Variants in MCTP1 observed in about 807,000 individuals in gnomAD.
The protein encoded by MCTP1 is multiple C2 and transmembrane domain containing 1, also known as multiple C2 and transmembrane domain-containing protein 1.
Under a neutral mutation model 120.6 loss-of-function variants are expected in MCTP1, and 69 were observed. That is an observed-to-expected ratio of 0.57 (90% CI 0.47 to 0.70). The LOEUF is 0.70. MCTP1 is among the 30% of genes least tolerant of loss of function. The pLI is 0.00. For synonymous variants in MCTP1, 529 were observed against 493.1 expected, an observed-to-expected ratio of 1.07 and a Z score of -0.96; for missense variants, 1,203 against 1,248.8, an observed-to-expected ratio of 0.96 and a Z score of 0.55.
intron 1 of MCTP1, among the ~76,000 whole-genome samples, chr5:95,206,492 T>C (rs1751632774): frequency 6.6e-6 from 1 of 152,206 alleles, no homozygotes; most frequent in African/African-American, 2.4e-5. Flanking sequence ...AGACTGAGAA[T>C]CATGACATTT....
intron 3 of MCTP1, among the ~76,000 whole-genome samples, chr5:94,946,138 C>T (rs1160759845): frequency 6.6e-6 from 1 of 152,128 alleles, no homozygotes; most frequent in Non-Finnish European, 1.5e-5. Flanking sequence ...ATGATACAGC[C>T]TAATCCCATT....
At chr5:94,837,761 GC>G (rs1561722286) in intron 17 of MCTP1, among the ~76,000 whole-genome samples, 1 of 152,148 alleles carries the variant, frequency 6.6e-6, no homozygotes, top group African/African-American at 2.4e-5. Context: ...AGACGGGGGC[GC>G]TGGTTAATTG....
intron 19 of MCTP1, among the ~76,000 whole-genome samples, chr5:94,720,904 C>CA (rs1338325185): frequency 1.3e-5 from 2 of 152,144 alleles, no homozygotes; most frequent in Non-Finnish European, 2.9e-5. Flanking sequence ...ATCCAATACT[C>CA]ACAACCATCC....
intron 9 of MCTP1, among the ~76,000 whole-genome samples, chr5:94,910,833 A>G (rs1808362035): frequency 6.6e-6 from 1 of 152,188 alleles, no homozygotes; most frequent in African/African-American, 2.4e-5. Flanking sequence ...TATAAGCCCC[A>G]TGGCAGAAAA....
intron 2 of MCTP1, among the ~76,000 whole-genome samples, chr5:95,013,440 T>C (rs1348879029): frequency 6.6e-6 from 1 of 152,140 alleles, no homozygotes; most frequent in Admixed American, 6.6e-5. Context: ...GAGAAGTCAA[T>C]GCGTGGCTTC....
Position 95,098,049 on chromosome 5 carries a change from T to G in MCTP1, c.721-80565A>C, listed in dbSNP as rs76958138. Reference sequence around the variant, plus strand: ...TTTCTCTATTCAACTCAATGATTTCTGATCTTTCAACGTGTTTTTGTTTAC... The same window carrying G: ...TTTCTCTATTCAACTCAATGATTTCGGATCTTTCAACGTGTTTTTGTTTAC... On this transcript the variant is annotated intron_variant, in intron 1 of 22. Transcript: ENST00000515393. Among the ~76,000 whole-genome samples, 1,007 of 152,348 alleles carry G rather than the reference T, an allele frequency of 6.6e-3. 16 individuals carry two copies. Among genetic ancestry groups the G allele is most frequent in the African/African-American group, 0.023 (953 of 41,584 alleles).
chr5:95,220,518 A>G (rs1345946597), intron 1 of MCTP1, among the ~76,000 whole-genome samples: 4 of 152,132 alleles, frequency 2.6e-5, no homozygotes, highest in African/African-American at 9.7e-5. Flanking sequence ...CTTTTAGCCA[A>G]TTCACAATAA....
At chr5:95,235,339 A>C (rs888717216) in intron 1 of MCTP1, among the ~76,000 whole-genome samples, 3 of 151,900 alleles carry the variant, frequency 2.0e-5, no homozygotes, top group Admixed American at 6.6e-5. Flanking sequence ...GACATTATAA[A>C]AACCAGCAGC....
intron 1 of MCTP1, among the ~76,000 whole-genome samples, chr5:95,158,192 T>A (rs1745334024): frequency 6.6e-6 from 1 of 152,250 alleles, no homozygotes; most frequent in Non-Finnish European, 1.5e-5. Flanking sequence ...TGACAATATC[T>A]TGCTTTTTTT....
chr5:94,776,741 T>G (rs1449716393), intron 19 of MCTP1, among the ~76,000 whole-genome samples: 7 of 152,180 alleles, frequency 4.6e-5, no homozygotes, highest in East Asian at 1.9e-4. Flanking sequence ...TGAAATTCCA[T>G]TACCCATGAC....
chr5:94,853,353 G>T (rs982230444), intron 17 of MCTP1, among the ~76,000 whole-genome samples: 3 of 151,956 alleles, frequency 2.0e-5, no homozygotes, highest in African/African-American at 7.2e-5. Flanking sequence ...ATGGACAGTG[G>T]CAGGAATGTT....
chr5:94,873,207 G>C lies in MCTP1; in HGVS notation c.1968C>G (p.Asn656Lys), dbSNP rs1242125799. 1.2e-6 allele frequency: 2 copies of C among 1,610,592 alleles called. No homozygotes were observed. The highest frequency in any genetic ancestry group is 1.7e-6 in the Non-Finnish European group (2 of 1,177,556). The stretch of plus-strand genomic sequence containing the variant: ...CAGTATGTGTTAGCAGTCTATCGTT[G>C]TTCAGTTCTACCACACAAAATGGGT... ...KSDPFCVVEL[N>K]NDRLLTHTVY... is the part of the protein sequence containing the mutation. The change falls in exon 13 of 23, where the codon AAC becomes AAG. Residue 656 changes from asparagine to lysine, a missense_variant. Asn to Lys is a moderately conservative substitution (Grantham distance 94, BLOSUM62 0). Transcript: ENST00000515393.
chr5:94,852,864 T>G (rs1340994178), intron 17 of MCTP1, among the ~76,000 whole-genome samples: 1 of 151,992 alleles, frequency 6.6e-6, no homozygotes, highest in East Asian at 1.9e-4. Flanking sequence ...GGTAACATAC[T>G]TTCAGAAAAT....
intron 17 of MCTP1, among the ~76,000 whole-genome samples, chr5:94,852,647 G>GC (rs1469691845): frequency 6.6e-6 from 1 of 151,862 alleles, no homozygotes; most frequent in Non-Finnish European, 1.5e-5. Context: ...TGGGAAAATT[G>GC]CCCATATATG....
At chr5:95,207,130 T>C (rs1485024499) in intron 1 of MCTP1, among the ~76,000 whole-genome samples, 2 of 152,182 alleles carry the variant, frequency 1.3e-5, no homozygotes, top group Non-Finnish European at 2.9e-5. Flanking sequence ...AATTAAATCA[T>C]AAATATTGAC....
At chr5:95,034,324 T>C (rs944474388) in intron 1 of MCTP1, among the ~76,000 whole-genome samples, 2 of 152,010 alleles carry the variant, frequency 1.3e-5, no homozygotes, top group Non-Finnish European at 2.9e-5. Context: ...CTTCCAACTA[T>C]ACTACAAGGC....
chr5:95,283,534 G>C (rs76341354), intron 1 of MCTP1, among the ~76,000 whole-genome samples: 4 of 152,348 alleles, frequency 2.6e-5, no homozygotes, highest in African/African-American at 9.6e-5. Flanking sequence ...CTTTTGCCAA[G>C]ATGAGATTTG....
intron 18 of MCTP1, chr5:94,792,023 C>A (rs116919494): frequency 0.012 from 1,861 of 152,442 alleles, 53 homozygotes; most frequent in Admixed American, 0.063. Context: ...AAGAGTACAG[C>A]CTTGCAGGGG....
chr5:94,755,660 TC>T (rs1192745153), intron 19 of MCTP1, among the ~76,000 whole-genome samples: 18 of 152,186 alleles, frequency 1.2e-4, no homozygotes, highest in African/African-American at 3.6e-4. Context: ...CCCTTCGGAT[TC>T]CCCTCCTATC....
Sources: gnomAD v4.1 joint callset for allele counts (sites outside exome capture counted in the v4.1 genomes callset) on GRCh38, gnomAD v4.1.1 for gene constraint, MANE v1.5 for transcripts, NCBI Gene and HGNC (gene_info 2026-07-23, HGNC 2026-07-21) for gene names.